CCP110: variants seen among roughly 807,000 people sequenced by gnomAD.
CCP110 encodes centriolar coiled-coil protein 110.
Under a neutral mutation model 105.5 loss-of-function variants are expected in CCP110, and 43 were observed. That is an observed-to-expected ratio of 0.41 (90% confidence interval 0.32 to 0.53). CCP110 has a LOEUF of 0.53. Among genes scored for constraint, CCP110 ranks in the 20% least tolerant of loss-of-function variants. The pLI is 0.32. For synonymous variants in CCP110, 353 were observed against 392.1 expected (o/e 0.90, Z 1.18); for missense variants, 1,016 against 1,189.1 (o/e 0.85, Z 2.14).
At position 19,545,807 on chromosome 16, in the gene CCP110, T is replaced by C. The variant is rs1376073344; in HGVS notation, c.2704-10T>C. On this transcript the variant is annotated splice_polypyrimidine_tract_variant and intron_variant, in intron 10 of 14. Transcript: ENST00000381396. ...CCAGTAGAGTTTGACGTTACTTTTG[T>C]ATATTAAAGGATAAAATGAAAAGTC... 3 of 1,537,824 alleles carry C rather than the reference T, an allele frequency of 2.0e-6. No individual in the cohort carries two copies. Among genetic ancestry groups the C allele is most frequent in the Non-Finnish European group, 2.7e-6 (3 of 1,112,516 alleles).
chr16:19,548,808 C>T lies in CCP110; in HGVS notation c.2986+208C>T, dbSNP rs768011118. On this transcript the variant is annotated intron_variant, in intron 14 of 14. Transcript: ENST00000381396. This position sits in a 1 kb window ranked among gnomAD's most constrained non-coding sequence, Gnocchi z 4.1. ...AAAAGTGTGATTCCAGTCTTCATTTCTATAATATTTCTGTGGAAAGCACCT... is the reference window on the plus strand; with the variant it reads ...AAAAGTGTGATTCCAGTCTTCATTTTTATAATATTTCTGTGGAAAGCACCT... Among the ~76,000 whole-genome samples, 1 of 152,138 alleles carries T rather than the reference C, an allele frequency of 6.6e-6. No homozygotes were observed. Among genetic ancestry groups the T allele is most frequent in the Non-Finnish European group, 1.5e-5 (1 of 68,018 alleles).
At chr16:19,547,825 G>A in intron 12 of CCP110, 130 bp from the exon 13 acceptor site, 2 of 675,592 alleles carry the variant, frequency 3.0e-6, no homozygotes, top group East Asian at 2.7e-5. Context: ...CTGATTTGTG[G>A]TAATATATAG....
chr16:19,541,271 GA>G lies in CCP110; in HGVS notation c.2049+495del, dbSNP rs1014151822. The stretch of plus-strand genomic sequence containing the variant: ...GAGGGAGACCCTGTCTCTATAAAAA[GA>G]AAAAAAAAAAGAACGACACTTGTTA... On this transcript the variant is annotated intron_variant, in intron 5 of 14. Coordinates refer to ENST00000381396, the Ensembl canonical transcript of CCP110. Among the ~76,000 whole-genome samples, 159 of 120,956 alleles carry G rather than the reference GA, an allele frequency of 1.3e-3. 1 individual carries two copies. The East Asian group carries it at 0.029, about 22-fold the overall frequency. 79.4% of individuals were successfully genotyped at this position (120,956 alleles called of 152,430 possible).
At chr16:19,549,184 C>G (rs963249056) in intron 14 of CCP110, among the ~76,000 whole-genome samples, 2 of 152,176 alleles carry the variant, frequency 1.3e-5, no homozygotes, top group African/African-American at 4.8e-5. Flanking sequence ...AAATTCAAAG[C>G]TCTTAACCAA....
chr16:19,552,130 T>G (rs1597286121), exon 15 of CCP110: 1 of 152,204 alleles, frequency 6.6e-6, no homozygotes, highest in Non-Finnish European at 1.5e-5. Flanking sequence ...TAAAGGGCTA[T>G]ATAATAATAA....
At chr16:19,533,395 C>A (rs928313037) in intron 3 of CCP110, among the ~76,000 whole-genome samples, 1 of 151,770 alleles carries the variant, frequency 6.6e-6, no homozygotes, top group Non-Finnish European at 1.5e-5. Flanking sequence ...GAATCTGTGG[C>A]TTATGCTTTT....
Position 19,540,800 on chromosome 16 carries a change from G to C in CCP110, c.2049+13G>C. On this transcript the variant is annotated intron_variant, in intron 5 of 14. Transcript: ENST00000381396. ...AAGACTGCAAAAGGTGAGGAATGTG[G>C]AGGGAGATACAACTGGTAAGTGAAA... The C allele has an allele frequency of 6.2e-7, 1 of 1,610,446 alleles. No individual in the cohort carries two copies. Among genetic ancestry groups the C allele is most frequent in the Non-Finnish European group, 8.5e-7 (1 of 1,178,794 alleles).
chr16:19,525,253 C>T (rs61351711), intron 1 of CCP110: 11,877 of 152,024 alleles, frequency 0.078, 899 homozygotes, highest in East Asian at 0.37. Flanking sequence ...CATGAGTCTA[C>T]GGGGTTTGCA....
chr16:19,548,013 G>C lies in CCP110; in HGVS notation c.2899G>C (p.Gly967Arg), dbSNP rs535461454. The change falls in exon 13 of 15, where the codon GGA becomes CGA. Residue 967 changes from glycine to arginine, a missense_variant and splice_region_variant. Physicochemically the swap from Gly to Arg is moderately radical, Grantham distance 125. Transcript: ENST00000381396. This position sits in a 1 kb window ranked among gnomAD's most constrained non-coding sequence, Gnocchi z 4.1. ...TGTTCATAGGCTACTTAGTAGACAAGGGTAAGAATGCCACACACGGGTATT... is the reference window on the plus strand; with the variant it reads ...TGTTCATAGGCTACTTAGTAGACAACGGTAAGAATGCCACACACGGGTATT... 1 of 1,605,112 alleles carries C rather than the reference G, an allele frequency of 6.2e-7. No homozygotes were observed. Among genetic ancestry groups the C allele is most frequent in the Non-Finnish European group, 8.5e-7 (1 of 1,172,052 alleles).
In CCP110 at chr16:19,538,302, C is replaced by CTTTTT. The variant is rs1164690143; in HGVS notation, c.1918+739_1918+743dup. Among the ~76,000 whole-genome samples the CTTTTT allele has an allele frequency of 1.3e-3, 74 of 55,242 alleles. 13 individuals carry two copies. Among genetic ancestry groups the CTTTTT allele is most frequent in the Non-Finnish European group, 2.1e-3 (68 of 31,968 alleles). 36.2% of individuals were successfully genotyped at this position (55,242 alleles called of 152,430 possible). A position where few individuals can be genotyped will look rare whatever the true frequency, so the allele number is the denominator to read the frequency against. ...ATATTAATAATTGGAGGAAACAGTT[C>CTTTTT]TTTTTTTTTTTTTTTTTTTTTTTTT... On this transcript the variant is annotated intron_variant, in intron 4 of 14. Transcript: ENST00000381396.
exon 12 of CCP110, chr16:19,546,465 C>G (rs2151482423): frequency 6.3e-7 from 1 of 1,582,896 alleles, no homozygotes; most frequent in African/African-American, 1.3e-5. Flanking sequence ...CAAAATCCTT[C>G]TGAAACAAGG....
intron 1 of CCP110, among the ~76,000 whole-genome samples, chr16:19,527,427 T>TTTA (rs1388569622): frequency 3.3e-5 from 5 of 152,060 alleles, no homozygotes; most frequent in Non-Finnish European, 5.9e-5. Flanking sequence ...TTTTTAAAAG[T>TTTA]AAATATTCTT....
At chr16:19,549,909 TCAG>T (rs1245050353) in intron 14 of CCP110, among the ~76,000 whole-genome samples, 1 of 152,216 alleles carries the variant, frequency 6.6e-6, no homozygotes, top group African/African-American at 2.4e-5. Context: ...CTGTTTTTAT[TCAG>T]CAATACTCAA....
At chr16:19,527,945 A>C (rs1422297183) in exon 2 of CCP110, 3 of 1,613,720 alleles carry the variant, frequency 1.9e-6, no homozygotes, top group Non-Finnish European at 2.5e-6. Flanking sequence ...ATCACTATCC[A>C]CAGAGAGCTT....
exon 11 of CCP110, chr16:19,545,883 T>G (rs751912759): frequency 6.3e-7 from 1 of 1,591,708 alleles, no homozygotes; most frequent in Non-Finnish European, 8.6e-7. Context: ...TAGGAAGAAA[T>G]ACATGAAGTA....
intron 8 of CCP110, 101 bp from the exon 9 acceptor site, chr16:19,544,696 A>T: frequency 1.4e-6 from 1 of 691,372 alleles, no homozygotes; most frequent in Non-Finnish European, 2.6e-6. Flanking sequence ...TACTGACGAA[A>T]GACTGTAATT....
exon 15 of CCP110, chr16:19,552,817 A>G (rs900845981): frequency 2.6e-5 from 4 of 152,212 alleles, no homozygotes; most frequent in African/African-American, 9.6e-5. Flanking sequence ...ATCCAGCTAT[A>G]GACAGAAATA....
intron 1 of CCP110, chr16:19,527,175 T>C (rs1235596726): frequency 6.6e-6 from 1 of 152,172 alleles, no homozygotes; most frequent in African/African-American, 2.4e-5. Context: ...TCAGAGCCAA[T>C]CGATTTGCTC....
At chr16:19,544,416 C>T (rs561625431) in intron 8 of CCP110, among the ~76,000 whole-genome samples, 1 of 152,222 alleles carries the variant, frequency 6.6e-6, no homozygotes, top group African/African-American at 2.4e-5. Flanking sequence ...TTCAACGAAC[C>T]ATGGATCAAA....
Sources: gnomAD v4.1 joint callset for allele counts (sites outside exome capture counted in the v4.1 genomes callset) on GRCh38, gnomAD v4.1.1 for gene constraint, Gnocchi (gnomAD v3.1) non-coding constraint, MANE v1.5 for transcripts, NCBI Gene and HGNC (gene_info 2026-07-23, HGNC 2026-07-21) for gene names.